Variants in NCAM2 observed in about 807,000 individuals in gnomAD.
The protein encoded by NCAM2 is N-CAM-2.
A neutral mutation model predicts 98.1 loss-of-function variants in NCAM2; 30 were observed. The ratio of observed to expected loss-of-function variants is 0.31; its 90% CI spans 0.23 to 0.41. NCAM2 has a LOEUF of 0.41. Among genes scored for constraint, NCAM2 ranks in the 10% least tolerant of loss-of-function variants. The pLI is 1.00. For missense variants in NCAM2, 867 were observed against 1,005.8 expected (o/e 0.86, Z 1.87); for synonymous variants, 368 against 342.4 (o/e 1.07, Z -0.83).
At chr21:21,528,831 CAAG>C in intron 16 of NCAM2, among the ~76,000 whole-genome samples, 1 of 151,620 alleles carries the variant, frequency 6.6e-6, no homozygotes, top group Admixed American at 6.6e-5. Context: ...AAGGAAGAAA[CAAG>C]AAGAATCATA....
At position 21,378,169 on chromosome 21, in the gene NCAM2, T is replaced by A. The variant is rs1248709900; in HGVS notation, c.1195+4156T>A. ...TGGGACTGCAGATACCTCTACCAGG[T>A]ACAGACTTTTTTTTTTTTCCTTTGG... is the stretch of plus-strand genomic sequence containing the variant. On this transcript the variant is annotated intron_variant, in intron 9 of 17. Transcript: ENST00000400546. 2.6e-5 allele frequency among the ~76,000 whole-genome samples: 3 copies of A among 114,898 alleles called. No homozygotes were observed. In the Admixed American group the frequency reaches 3.1e-4, roughly 12 times the overall value. 75.4% of individuals were successfully genotyped at this position (114,898 alleles called of 152,430 possible).
chr21:21,214,455 C>T (rs1204191251), intron 1 of NCAM2, among the ~76,000 whole-genome samples: 1 of 151,894 alleles, frequency 6.6e-6, no homozygotes, highest in Non-Finnish European at 1.5e-5. Context: ...GGCCAATTAA[C>T]TGCAATGCCT....
At chr21:21,345,561 T>C (rs747188328) in intron 8 of NCAM2, among the ~76,000 whole-genome samples, 8 of 151,542 alleles carry the variant, frequency 5.3e-5, no homozygotes, top group South Asian at 2.1e-4. Context: ...GACAAGCTAC[T>C]TGAAAATACA....
At chr21:21,391,705 T>C (rs1158361015) in intron 9 of NCAM2, among the ~76,000 whole-genome samples, 1 of 152,202 alleles carries the variant, frequency 6.6e-6, no homozygotes, top group Admixed American at 6.5e-5. Flanking sequence ...GGAATGAAGA[T>C]GAAGGCTTAA....
intron 12 of NCAM2, among the ~76,000 whole-genome samples, chr21:21,452,765 G>C (rs111212994): frequency 1.3e-5 from 1 of 77,716 alleles, no homozygotes; most frequent in Non-Finnish European, 2.3e-5. Context: ...ATTACTTTAT[G>C]TATTAAAATA....
chr21:21,482,053 G>A (rs111361813), intron 15 of NCAM2, among the ~76,000 whole-genome samples: 1 of 151,854 alleles, frequency 6.6e-6, no homozygotes. Context: ...AGCCAAGATC[G>A]CGCCATTGCA....
At chr21:21,179,799 T>C (rs1288838564) in intron 1 of NCAM2, among the ~76,000 whole-genome samples, 1 of 152,240 alleles carries the variant, frequency 6.6e-6, no homozygotes, top group Non-Finnish European at 1.5e-5. Context: ...GTGTCAGACA[T>C]ATCCCCAGGA....
chr21:21,018,115 G>C (rs996731341), intron 1 of NCAM2, among the ~76,000 whole-genome samples: 1 of 152,058 alleles, frequency 6.6e-6, no homozygotes, highest in Non-Finnish European at 1.5e-5. Flanking sequence ...TTCACACTTC[G>C]TATAACTGAA....
chr21:21,164,189 C>G (rs2067879558), intron 1 of NCAM2, among the ~76,000 whole-genome samples: 2 of 152,168 alleles, frequency 1.3e-5, no homozygotes. Context: ...TTTTGCAGTA[C>G]TGTAACTTAC....
chr21:21,048,129 A>G (rs1420468122), intron 1 of NCAM2, among the ~76,000 whole-genome samples: 2 of 152,278 alleles, frequency 1.3e-5, no homozygotes, highest in African/African-American at 2.4e-5. Flanking sequence ...TTTAAGTCCA[A>G]TAAGAAACAT....
At chr21:21,414,013 G>A (rs111426779) in intron 10 of NCAM2, among the ~76,000 whole-genome samples, 7 of 152,292 alleles carry the variant, frequency 4.6e-5, no homozygotes, top group African/African-American at 1.2e-4. Context: ...TATCAACTAA[G>A]TTTATGTAAT....
chr21:21,478,440 C>T (rs1025224955), intron 15 of NCAM2, among the ~76,000 whole-genome samples: 1 of 151,844 alleles, frequency 6.6e-6, no homozygotes, highest in African/African-American at 2.4e-5. Context: ...CTAGCTAGTT[C>T]AGTCATGTCA....
intron 1 of NCAM2, among the ~76,000 whole-genome samples, chr21:21,119,128 T>G (rs550702418): frequency 4.6e-5 from 7 of 152,206 alleles, no homozygotes; most frequent in Non-Finnish European, 1.0e-4. Context: ...GATAATGCAT[T>G]TGAAATTCAT....
intron 6 of NCAM2, among the ~76,000 whole-genome samples, chr21:21,327,305 T>TC (rs2074544517): frequency 3.9e-5 from 1 of 25,354 alleles, no homozygotes; most frequent in African/African-American, 2.8e-4. Context: ...AGACTCTGTC[T>TC]CAAAAAAAAA....
intron 1 of NCAM2, among the ~76,000 whole-genome samples, chr21:21,167,919 A>C (rs954005636): frequency 2.0e-5 from 3 of 152,132 alleles, no homozygotes; most frequent in African/African-American, 4.8e-5. Context: ...TCTCTTTCAA[A>C]GTATAGAAGC....
chr21:21,350,244 T>A (rs1440493588), intron 8 of NCAM2, among the ~76,000 whole-genome samples: 1 of 152,102 alleles, frequency 6.6e-6, no homozygotes, highest in Non-Finnish European at 1.5e-5. Flanking sequence ...AAAAAAAATC[T>A]AGAAACTTAA....
At chr21:21,397,298 G>A (rs1411592920) in intron 9 of NCAM2, among the ~76,000 whole-genome samples, 1 of 152,142 alleles carries the variant, frequency 6.6e-6, no homozygotes, top group Non-Finnish European at 1.5e-5. Context: ...TGGCTTGAAG[G>A]TGGACCCTCA....
intron 1 of NCAM2, among the ~76,000 whole-genome samples, chr21:21,073,191 T>C (rs1360758893): frequency 6.6e-6 from 1 of 152,254 alleles, no homozygotes. Context: ...ATTGTATGCA[T>C]ATATCACATT....
chr21:21,447,100 C>A (rs566556094), intron 12 of NCAM2, among the ~76,000 whole-genome samples: 63 of 152,162 alleles, frequency 4.1e-4, no homozygotes, highest in African/African-American at 1.4e-3. Context: ...CCAAGACAAT[C>A]CTAAGCAAAA....
Sources: gnomAD v4.1 joint callset for allele counts (sites outside exome capture counted in the v4.1 genomes callset) on GRCh38, gnomAD v4.1.1 for gene constraint, MANE v1.5 for transcripts, NCBI Gene and HGNC (gene_info 2026-07-23, HGNC 2026-07-21) for gene names.